GYS2: variants seen among roughly 807,000 people sequenced by gnomAD.
GYS2 encodes glycogen synthase 2, also known as glycogen [starch] synthase, liver.
Under a neutral mutation model 85.6 loss-of-function variants are expected in GYS2, and 80 were observed. That is an observed-to-expected ratio of 0.93 (90% CI 0.78 to 1.13). The LOEUF is 1.13. GYS2 is among the 50% of genes most tolerant of loss of function. GYS2 has a pLI of 0.00. For missense variants in GYS2, 881 were observed against 854.9 expected (o/e 1.03, Z -0.38); for synonymous variants, 328 against 300.7 (o/e 1.09, Z -0.94).
rs377687500 is a variant in GYS2, at chr12:21,555,050, G to T, written c.1422+3150C>A. Among the ~76,000 whole-genome samples the T allele has an allele frequency of 8.4e-4, 128 of 152,214 alleles. 2 individuals carry two copies. The highest frequency in any genetic ancestry group is 3.0e-3 in the African/African-American group (123 of 41,534). The stretch of plus-strand genomic sequence containing the variant: ...ATGTATTGTACGTAACATGTGCCAG[G>T]CAGCAGACAGATCCTCAGAAAAAGA... On this transcript the variant is annotated intron_variant, in intron 11 of 15. Transcript: ENST00000261195.
At chr12:21,577,753 C>T (rs143488940) in intron 2 of GYS2, among the ~76,000 whole-genome samples, 3 of 152,250 alleles carry the variant, frequency 2.0e-5, no homozygotes, top group Non-Finnish European at 4.4e-5. Flanking sequence ...TTTTTCACCC[C>T]CAGAAACTAT....
chr12:21,556,620 A>T (rs10841848), intron 11 of GYS2, among the ~76,000 whole-genome samples: 1 of 151,886 alleles, frequency 6.6e-6, no homozygotes, highest in East Asian at 1.9e-4. Context: ...TATATCTCAC[A>T]TGTAACTCAA....
At position 21,562,964 on chromosome 12, in the gene GYS2, G is replaced by A; in HGVS notation, c.1016C>T (p.Ala339Val). ...AGRYEFSNKGADIFLESLSRL... is the reference protein window; with the variant it reads ...AGRYEFSNKGVDIFLESLSRL... Reference sequence around the variant, plus strand: ...GGATAAGGATTCTAGGAAGATGTCAGCTCCTTTGTTTGAAAACTCATACCT... The same window carrying A: ...GGATAAGGATTCTAGGAAGATGTCAACTCCTTTGTTTGAAAACTCATACCT... The change falls in exon 7 of 16, where the codon GCT becomes GTT. Residue 339 changes from alanine (A) to valine (V), a missense_variant. By Grantham distance (64) the Ala-to-Val change is moderately conservative. Transcript: ENST00000261195. 1 of 1,611,864 alleles carries A rather than the reference G, an allele frequency of 6.2e-7. No homozygotes were observed. The highest frequency in any genetic ancestry group is 8.5e-7 in the Non-Finnish European group (1 of 1,178,082).
chr12:21,574,309 A>G lies in GYS2; in HGVS notation c.513T>C (p.Asp171=). Residue 171 remains aspartate, a synonymous_variant, in exon 4 of 16, where the codon GAT becomes GAC. Coordinates refer to ENST00000261195, the MANE Select transcript of GYS2 (RefSeq NM_021957.4). The stretch of plus-strand genomic sequence containing the variant: ...GGAATTGGGCAACGACATATTTACC[A>G]TCTGCATGATCTGTCACCTACATTA... ...WFLKEVTDHA[D]GKYVVAQFHE... 6.2e-7 allele frequency: 1 copy of G among 1,613,312 alleles called. No homozygotes were observed. Among genetic ancestry groups the G allele is most frequent in the East Asian group, 2.2e-5 (1 of 44,874 alleles).
At chr12:21,554,712 G>C (rs1044844011) in intron 11 of GYS2, among the ~76,000 whole-genome samples, 1 of 152,156 alleles carries the variant, frequency 6.6e-6, no homozygotes, top group Admixed American at 6.5e-5. Flanking sequence ...TTTTAGGTTG[G>C]AACCCAGAAG....
At chr12:21,587,228 G>C (rs749069364) in intron 1 of GYS2, among the ~76,000 whole-genome samples, 5 of 152,160 alleles carry the variant, frequency 3.3e-5, no homozygotes, top group Admixed American at 3.3e-4. Context: ...AAAAACTACG[G>C]ATTGGATACA....
In GYS2 at chr12:21,540,415, C is replaced by G. The variant is rs1943958380; in HGVS notation, c.1804G>C (p.Gly602Arg). Residue 602 changes from glycine to arginine, a missense_variant, in exon 14 of 16, where the codon GGC becomes CGC. By Grantham distance (125) the Gly-to-Arg change is moderately radical. Transcript: ENST00000261195. Reference protein sequence around the residue: ...LSDLLDWRYLGRYYQHARHLT... With the variant: ...LSDLLDWRYLRRYYQHARHLT... ...GTTTATCTAAACTTGCTTACTCTGCCTAAGTATCTCCAATCCAGAAGATCT... is the reference window on the plus strand; with the variant it reads ...GTTTATCTAAACTTGCTTACTCTGCGTAAGTATCTCCAATCCAGAAGATCT... 3 of 1,613,856 alleles carry G rather than the reference C, an allele frequency of 1.9e-6. No individual in the cohort carries two copies. Among genetic ancestry groups the G allele is most frequent in the African/African-American group, 1.3e-5 (1 of 75,012 alleles).
chr12:21,552,144 C>T (rs935958438), intron 11 of GYS2, among the ~76,000 whole-genome samples: 9 of 152,224 alleles, frequency 5.9e-5, no homozygotes, highest in South Asian at 4.1e-4. Flanking sequence ...GCTCCTGGCT[C>T]ACAGCAGACC....
At position 21,537,114 on chromosome 12, in the gene GYS2, G is replaced by A; in HGVS notation, c.1952C>T (p.Ala651Val). Residue 651 changes from alanine to valine, a missense_variant, in exon 16 of 16, where the codon GCC (alanine) becomes GTC (valine). Transcript: ENST00000261195. ...SVPPSPSGSQ[A>V]SSPQSSDVED... Reference sequence around the variant, plus strand: ...CACATCACTGCTCTGAGGACTGGAGGCCTGAGACCCTGAAGGAGAAGGTGG... The same window carrying A: ...CACATCACTGCTCTGAGGACTGGAGACCTGAGACCCTGAAGGAGAAGGTGG... 6.2e-7 allele frequency: 1 copy of A among 1,613,790 alleles called. No individual in the cohort carries two copies. Among genetic ancestry groups the A allele is most frequent in the Non-Finnish European group, 8.5e-7 (1 of 1,179,774 alleles).
In GYS2 at chr12:21,562,918, C is replaced by A. The variant is rs746354865; in HGVS notation, c.1062G>T (p.Arg354Ser). The part of the protein sequence containing the change: ...ESLSRLNFLL[R>S]MHKSDITVMV... The stretch of plus-strand genomic sequence containing the variant: ...ATACCATGTCCTAGAGCTTTCTTAC[C>A]CTCAGCAGGAAATTTAGCCTGGATA... The change falls in exon 7 of 16, where the codon AGG becomes AGT. Residue 354 changes from arginine (R) to serine (S), a missense_variant and splice_region_variant. By Grantham distance (110) the Arg-to-Ser change is moderately radical. Coordinates refer to ENST00000261195, the MANE Select transcript of GYS2 (RefSeq NM_021957.4). 1 of 1,612,146 alleles carries A rather than the reference C, an allele frequency of 6.2e-7. No individual in the cohort carries two copies. Among genetic ancestry groups the A allele is most frequent in the Admixed American group, 1.7e-5 (1 of 60,006 alleles).
intron 7 of GYS2, among the ~76,000 whole-genome samples, chr12:21,562,581 C>A (rs1460757885): frequency 6.7e-6 from 1 of 149,772 alleles, no homozygotes; most frequent in Non-Finnish European, 1.5e-5. Flanking sequence ...ATTTACTTTT[C>A]AATTGATTAC....
At chr12:21,541,817 T>C (rs927737997) in intron 13 of GYS2, among the ~76,000 whole-genome samples, 5 of 152,072 alleles carry the variant, frequency 3.3e-5, no homozygotes, top group African/African-American at 1.2e-4. Flanking sequence ...GTGATTAACA[T>C]AGTGCCTGGT....
intron 1 of GYS2, among the ~76,000 whole-genome samples, chr12:21,591,793 A>G (rs908564791): frequency 1.3e-5 from 2 of 152,118 alleles, no homozygotes; most frequent in Non-Finnish European, 2.9e-5. Context: ...TTAACAGCAG[A>G]TTTCTCAGCA....
chr12:21,604,098 C>T (rs1448877869), intron 1 of GYS2, among the ~76,000 whole-genome samples: 2 of 152,102 alleles, frequency 1.3e-5, no homozygotes, highest in Non-Finnish European at 2.9e-5. Context: ...GTTCTAATCA[C>T]ATATACATCT....
At chr12:21,557,062 A>G (rs1446316599) in intron 11 of GYS2, among the ~76,000 whole-genome samples, 1 of 152,214 alleles carries the variant, frequency 6.6e-6, no homozygotes, top group Non-Finnish European at 1.5e-5. Context: ...ATGTAAGGAT[A>G]GGTCAAAATC....
intron 11 of GYS2, among the ~76,000 whole-genome samples, 183 bp from the exon 12 acceptor site, chr12:21,546,653 A>C (rs1320620342): frequency 1.3e-5 from 2 of 152,192 alleles, no homozygotes; most frequent in Admixed American, 6.6e-5. Context: ...TCCTCTCTCC[A>C]TTCTGTAGAA....
At chr12:21,586,503 C>G (rs1305186618) in intron 1 of GYS2, among the ~76,000 whole-genome samples, 1 of 151,926 alleles carries the variant, frequency 6.6e-6, no homozygotes, top group Non-Finnish European at 1.5e-5. Flanking sequence ...CTGACAAATA[C>G]AGTGAGCTCA....
At chr12:21,539,565 C>A (rs1943948714) in intron 14 of GYS2, among the ~76,000 whole-genome samples, 1 of 152,118 alleles carries the variant, frequency 6.6e-6, no homozygotes, top group South Asian at 2.1e-4. Flanking sequence ...GGGAAGAATG[C>A]CCATACTGGT....
chr12:21,580,415 T>C lies in GYS2; in HGVS notation c.230A>G (p.Gln77Arg). 1 of 1,613,372 alleles carries C rather than the reference T, an allele frequency of 6.2e-7. No homozygotes were observed. Among genetic ancestry groups the C allele is most frequent in the East Asian group, 2.2e-5 (1 of 44,872 alleles). The change falls in exon 2 of 16, where the codon CAG becomes CGG. Residue 77 changes from glutamine (Q) to arginine (R), a missense_variant. By Grantham distance (43) the Gln-to-Arg change is conservative. Transcript: ENST00000261195. ...GPYFEHNMKTQVEQCEPVNDA... is the reference protein window; with the variant it reads ...GPYFEHNMKTRVEQCEPVNDA... Reference sequence around the variant, plus strand: ...ATTTACAGGTTCACACTGTTCCACCTGAGTCTTCATATTATGCTCAAAATA... The same window carrying C: ...ATTTACAGGTTCACACTGTTCCACCCGAGTCTTCATATTATGCTCAAAATA...
Sources: allele counts gnomAD v4.1 joint callset (sites outside exome capture counted in the v4.1 genomes callset), GRCh38; gene constraint gnomAD v4.1.1; transcripts MANE v1.5; gene names NCBI Gene and HGNC (gene_info 2026-07-23, HGNC 2026-07-21).